SYNPO2: variants seen among roughly 807,000 people sequenced by gnomAD.
The protein encoded by SYNPO2 is synaptopodin-2.
In SYNPO2, 56 loss-of-function variants were observed where a neutral mutation model predicts 85.0. The ratio of observed to expected loss-of-function variants is 0.66; its 90% CI spans 0.53 to 0.82. The LOEUF is 0.82. SYNPO2 is among the 40% of genes least tolerant of loss of function. The probability of loss-of-function intolerance (pLI) is 0.00; values close to 1 mark genes in which losing one functional copy is unlikely to be tolerated. For synonymous variants in SYNPO2, 602 were observed against 591.1 expected (o/e 1.02, Z -0.27); for missense variants, 1,575 against 1,534.2 (o/e 1.03, Z -0.44).
chr4:118,903,608 T>C (rs1732830275), intron 1 of SYNPO2, among the ~76,000 whole-genome samples: 1 of 152,182 alleles, frequency 6.6e-6, no homozygotes, highest in Non-Finnish European at 1.5e-5. Context: ...CAGTTACTAA[T>C]CAAGATTACT....
intron 1 of SYNPO2, among the ~76,000 whole-genome samples, chr4:118,853,964 C>A (rs961304105): frequency 6.6e-6 from 1 of 152,112 alleles, no homozygotes; most frequent in Admixed American, 6.6e-5. Flanking sequence ...TGGTGTAAAC[C>A]TTTCATATGT....
intron 1 of SYNPO2, among the ~76,000 whole-genome samples, chr4:118,997,025 G>T (rs1239915883): frequency 6.6e-6 from 1 of 151,738 alleles, no homozygotes; most frequent in Non-Finnish European, 1.5e-5. Flanking sequence ...CGGATCACGA[G>T]GTCAGGAGAT....
intron 1 of SYNPO2, among the ~76,000 whole-genome samples, chr4:118,895,034 A>AT (rs375335547): frequency 1.3e-5 from 2 of 152,066 alleles, no homozygotes; most frequent in South Asian, 2.1e-4. Context: ...GATGTAAATG[A>AT]TTTTTTTTAA....
At chr4:118,991,943 G>T (rs780091282) in intron 1 of SYNPO2, among the ~76,000 whole-genome samples, 3 of 152,162 alleles carry the variant, frequency 2.0e-5, no homozygotes, top group Non-Finnish European at 1.5e-5. Flanking sequence ...AATGGAGTTC[G>T]ACTGGAAAGG....
chr4:118,861,846 A>C (rs770513295), intron 1 of SYNPO2, among the ~76,000 whole-genome samples: 1 of 152,108 alleles, frequency 6.6e-6, no homozygotes, highest in Admixed American at 6.5e-5. Context: ...GTTCCATATA[A>C]ATTTTAGGAT....
At chr4:118,866,398 G>A (rs1380403581) in intron 1 of SYNPO2, among the ~76,000 whole-genome samples, 8 of 152,144 alleles carry the variant, frequency 5.3e-5, no homozygotes. Flanking sequence ...CCAACACCAC[G>A]AAAATGGTCA....
intron 4 of SYNPO2, among the ~76,000 whole-genome samples, chr4:119,046,642 A>C (rs1383371885): frequency 6.6e-6 from 1 of 152,232 alleles, no homozygotes; most frequent in Non-Finnish European, 1.5e-5. Flanking sequence ...GCTACATGGC[A>C]TTCCATTTAT....
intron 1 of SYNPO2, among the ~76,000 whole-genome samples, chr4:118,944,602 C>A (rs1301726627): frequency 1.3e-5 from 2 of 151,884 alleles, no homozygotes; most frequent in South Asian, 2.1e-4. Flanking sequence ...ATGGTTCAGG[C>A]CGTGTTTTAC....
rs540760316 is a variant in SYNPO2, at chr4:118,938,344, T to TTA, written c.105+49213_105+49214dup. ...CAATTTAAAGAAAACATATGTATAT[T>TTA]TATATATATATGTGTACATTATTTT... On this transcript the variant is annotated intron_variant, in intron 1 of 4. Coordinates refer to ENST00000307142, the MANE Select transcript of SYNPO2 (RefSeq NM_133477.3). Among the ~76,000 whole-genome samples the TTA allele has an allele frequency of 2.4e-3, 372 of 152,226 alleles. 2 individuals carry two copies. Among genetic ancestry groups the TTA allele is most frequent in the African/African-American group, 7.6e-3 (317 of 41,554 alleles).
At chr4:119,032,745 T>C in intron 4 of SYNPO2, 1 of 905,412 alleles carries the variant, frequency 1.1e-6, no homozygotes, top group Non-Finnish European at 1.3e-6. Flanking sequence ...TGGGGCCGGG[T>C]ATGGTGGTTC....
At chr4:118,996,952 G>T (rs1433232342) in intron 1 of SYNPO2, among the ~76,000 whole-genome samples, 2 of 148,872 alleles carry the variant, frequency 1.3e-5, no homozygotes, top group Non-Finnish European at 3.0e-5. Flanking sequence ...AAATTTAAAA[G>T]AAAAAAGGCC....
chr4:118,976,562 T>G (rs1735751146), intron 1 of SYNPO2, among the ~76,000 whole-genome samples: 1 of 152,154 alleles, frequency 6.6e-6, no homozygotes, highest in Non-Finnish European at 1.5e-5. Context: ...GAGTGGCCTG[T>G]TTTGTCAGGG....
intron 1 of SYNPO2, among the ~76,000 whole-genome samples, chr4:118,873,339 A>G (rs1731837672): frequency 6.6e-6 from 1 of 152,058 alleles, no homozygotes; most frequent in African/African-American, 2.4e-5. Context: ...CCTGTTCTCC[A>G]CATTTTTCCA....
intron 1 of SYNPO2, among the ~76,000 whole-genome samples, chr4:118,977,250 A>G (rs7695772): frequency 0.089 from 13,580 of 152,286 alleles, 778 homozygotes; most frequent in Non-Finnish European, 0.13. Flanking sequence ...GTGGGCCAGC[A>G]CTGCTGGGGG....
intron 1 of SYNPO2, among the ~76,000 whole-genome samples, chr4:118,857,340 T>C (rs1481472065): frequency 1.3e-5 from 2 of 152,138 alleles, no homozygotes; most frequent in Non-Finnish European, 2.9e-5. Flanking sequence ...AGCAACACCA[T>C]TCCCCGAGAA....
chr4:118,874,324 G>GTC (rs749254611), intron 1 of SYNPO2, among the ~76,000 whole-genome samples: 1 of 152,172 alleles, frequency 6.6e-6, no homozygotes, highest in Non-Finnish European at 1.5e-5. Flanking sequence ...TAGGAAGAAT[G>GTC]ATGTGGAAAA....
chr4:119,013,487 A>G (rs1041986925), intron 1 of SYNPO2, among the ~76,000 whole-genome samples: 11 of 152,220 alleles, frequency 7.2e-5, no homozygotes, highest in African/African-American at 2.7e-4. Flanking sequence ...TTTTTATTTT[A>G]AGGAATGACA....
In SYNPO2 at chr4:119,030,628, C is replaced by T. The variant is rs765298746; in HGVS notation, c.1853C>T (p.Ala618Val). 1 of 1,614,032 alleles carries T rather than the reference C, an allele frequency of 6.2e-7. No homozygotes were observed. The highest frequency in any genetic ancestry group is 2.2e-5 in the East Asian group (1 of 44,878). The part of the protein sequence containing the change: ...NMTSPIADFP[A>V]PPPYSAVTPP... ...ACGAGTCCCATTGCTGACTTTCCTG[C>T]ACCTCCACCTTACTCTGCAGTCACT... Residue 618 changes from alanine to valine, a missense_variant, in exon 4 of 5, where the codon GCA (alanine) becomes GTA (valine). Coordinates refer to ENST00000307142, the MANE Select transcript of SYNPO2 (RefSeq NM_133477.3).
chr4:119,012,470 T>A (rs1737357538), intron 1 of SYNPO2, among the ~76,000 whole-genome samples: 1 of 151,160 alleles, frequency 6.6e-6, no homozygotes, highest in South Asian at 2.1e-4. Flanking sequence ...CATGGTGGTT[T>A]GCTGCACCTA....
Sources: gnomAD v4.1 joint callset for allele counts (sites outside exome capture counted in the v4.1 genomes callset) on GRCh38, gnomAD v4.1.1 for gene constraint, MANE v1.5 for transcripts, NCBI Gene and HGNC (gene_info 2026-07-23, HGNC 2026-07-21) for gene names.